CLEC4F: variants seen among roughly 807,000 people sequenced by gnomAD.
The protein encoded by CLEC4F is C-type lectin domain family 4 member F, also known as C-type (calcium dependent, carbohydrate-recognition domain) lectin, superfamily member 13.
In CLEC4F, 45 loss-of-function variants were observed where a neutral mutation model predicts 53.4. That is an observed-to-expected ratio of 0.84 (90% CI 0.66 to 1.08). The LOEUF is 1.08. Ranked by LOEUF, CLEC4F falls within the 50% of genes least tolerant of loss-of-function variation. CLEC4F has a pLI of 0.00. For synonymous variants in CLEC4F, 245 were observed against 257.5 expected (o/e 0.95, Z 0.46); for missense variants, 753 against 698.2 (o/e 1.08, Z -0.88).
At chr2:70,813,703 G>T (rs888584608) in intron 4 of CLEC4F, among the ~76,000 whole-genome samples, 20 of 145,412 alleles carry the variant, frequency 1.4e-4, no homozygotes, top group Admixed American at 3.6e-4. Flanking sequence ...TTGAGACAGA[G>T]TTTTGCTATG....
intron 3 of CLEC4F, among the ~76,000 whole-genome samples, chr2:70,817,649 A>G (rs925248647): frequency 5.9e-5 from 9 of 152,220 alleles, no homozygotes; most frequent in Admixed American, 5.9e-4. Flanking sequence ...ATGATGGCAA[A>G]TTCCATGGAG....
At chr2:70,810,853 A>G (rs1265462540) in intron 5 of CLEC4F, 8 of 553,190 alleles carry the variant, frequency 1.4e-5, no homozygotes, top group African/African-American at 3.9e-5. Flanking sequence ...TAAAATTGGT[A>G]CAATCAGGTT....
chr2:70,817,165 C>A (rs1676971943), intron 3 of CLEC4F, 53 bp from the exon 4 acceptor site: 2 of 1,542,436 alleles, frequency 1.3e-6, no homozygotes, highest in Non-Finnish European at 8.7e-7. Context: ...TGTAGGGTAG[C>A]ATTTTATGGG....
intron 3 of CLEC4F, among the ~76,000 whole-genome samples, 162 bp from the exon 4 acceptor site, chr2:70,817,274 T>A (rs1676977430): frequency 6.6e-6 from 1 of 152,082 alleles, no homozygotes; most frequent in Non-Finnish European, 1.5e-5. Flanking sequence ...ACCCAGACCC[T>A]GGGGACGGTC....
At chr2:70,824,621 C>CAAAAAAAAAAAAAAAAAAAAAAAAAA (rs1388918958), upstream of CLEC4F, among the ~76,000 whole-genome samples, 5 of 38,248 alleles carry the variant, frequency 1.3e-4, no homozygotes, top group African/African-American at 2.9e-4. Context: ...TGCTTAGTTA[C>CAAAAAAAAAAAAAAAAAAAAAAAAAA]CAAAAAAAAA....
Position 70,819,336 on chromosome 2 carries a change from C to G in CLEC4F, c.268+19G>C. The G allele has an allele frequency of 6.2e-7, 1 of 1,604,298 alleles. No homozygotes were observed. The highest frequency in any genetic ancestry group is 8.5e-7 in the Non-Finnish European group (1 of 1,171,170). The stretch of plus-strand genomic sequence containing the variant: ...GGCCCCAGTTCCCTCTGCACCCCAC[C>G]CCCACTGTGGCTACTCACTGTTGGG... On this transcript the variant is annotated intron_variant, in intron 3 of 6. Transcript: ENST00000272367.
chr2:70,817,808 G>A lies in CLEC4F; in HGVS notation c.269-696C>T, dbSNP rs564537330. ...CTCAGCTGAGATGGCCTTTTAAAGA[G>A]CCAGCACCCCCAGTGTTACATAGGG... On this transcript the variant is annotated intron_variant, in intron 3 of 6. Coordinates refer to ENST00000272367, the MANE Select transcript of CLEC4F (RefSeq NM_173535.3). Among the ~76,000 whole-genome samples the A allele has an allele frequency of 2.0e-5, 3 of 152,298 alleles. No homozygotes were observed. In the East Asian group the frequency reaches 5.8e-4, roughly 29 times the overall value.
At position 70,812,599 on chromosome 2, in the gene CLEC4F, C is replaced by A. The variant is rs1553394576; in HGVS notation, c.1388-1G>T. On this transcript the variant is annotated splice_acceptor_variant, in intron 4 of 6. Coordinates refer to ENST00000272367, the MANE Select transcript of CLEC4F (RefSeq NM_173535.3). LOFTEE classifies it high-confidence loss of function. ...TGCAGGACCATCTGGAGAAGCTGAC[C>A]TGGAGCAAAGATTGGGGAGAAAAGA... 2.5e-6 allele frequency: 4 copies of A among 1,613,744 alleles called. No homozygotes were observed. The Admixed American group carries it at 6.7e-5, about 27-fold the overall frequency.
intron 2 of CLEC4F, 103 bp from the exon 3 acceptor site, chr2:70,819,547 G>T: frequency 8.9e-7 from 1 of 1,120,398 alleles, no homozygotes; most frequent in Non-Finnish European, 1.4e-6. Context: ...GGAGATAGCA[G>T]CAAAGACCCT....
chr2:70,813,780 C>A (rs530652322), intron 4 of CLEC4F, among the ~76,000 whole-genome samples: 1 of 151,860 alleles, frequency 6.6e-6, no homozygotes, highest in Non-Finnish European at 1.5e-5. Flanking sequence ...CGGGTTCAAG[C>A]GATTCTCCTG....
At chr2:70,814,838 C>CAA (rs60330725) in intron 4 of CLEC4F, among the ~76,000 whole-genome samples, 5,980 of 140,916 alleles carry the variant, frequency 0.042, 193 homozygotes, top group African/African-American at 0.082. Context: ...ACACCCTCAC[C>CAA]AAAAAAAAAA....
chr2:70,821,322 G>C (rs10185297), upstream of CLEC4F, among the ~76,000 whole-genome samples: 35,473 of 152,036 alleles, frequency 0.23, 4,431 homozygotes, highest in Middle Eastern at 0.33. Flanking sequence ...GGTGACACAG[G>C]GTGGACCCTT....
At position 70,816,861 on chromosome 2, in the gene CLEC4F, C is replaced by G. The variant is rs1390811446; in HGVS notation, c.520G>C (p.Glu174Gln). 8 of 1,614,174 alleles carry G rather than the reference C, an allele frequency of 5.0e-6. No individual in the cohort carries two copies. The highest frequency in any genetic ancestry group is 3.3e-5 in the Admixed American group (2 of 60,026). Residue 174 changes from glutamate to glutamine, a missense_variant, in exon 4 of 7, where the codon GAG (glutamate) becomes CAG (glutamine). Coordinates refer to ENST00000272367, the MANE Select transcript of CLEC4F (RefSeq NM_173535.3). The part of the protein sequence containing the change: ...LQTQMLRSSL[E>Q]GTNAEIQRLK... Reference sequence around the variant, plus strand: ...CTCTGGATCTCAGCATTGGTTCCCTCCAGGGAACTCCTTAACATCTGTGTC... The same window carrying G: ...CTCTGGATCTCAGCATTGGTTCCCTGCAGGGAACTCCTTAACATCTGTGTC...
At chr2:70,813,685 T>G (rs1295881208) in intron 4 of CLEC4F, among the ~76,000 whole-genome samples, 1 of 150,968 alleles carries the variant, frequency 6.6e-6, no homozygotes, top group Non-Finnish European at 1.5e-5. Context: ...CTTCCTTTCT[T>G]TCTTTTTTTG....
rs782206648 is a variant in CLEC4F at position 70,819,336 on chromosome 2, C to T, written c.268+19G>A. Reference sequence around the variant, plus strand: ...GGCCCCAGTTCCCTCTGCACCCCACCCCCACTGTGGCTACTCACTGTTGGG... The same window carrying T: ...GGCCCCAGTTCCCTCTGCACCCCACTCCCACTGTGGCTACTCACTGTTGGG... On this transcript the variant is annotated intron_variant, in intron 3 of 6. Coordinates refer to ENST00000272367, the MANE Select transcript of CLEC4F (RefSeq NM_173535.3). 1.9e-6 allele frequency: 3 copies of T among 1,604,298 alleles called. No individual in the cohort carries two copies. The highest frequency in any genetic ancestry group is 1.7e-6 in the Non-Finnish European group (2 of 1,171,170).
At chr2:70,822,128 G>T (rs1677240167), upstream of CLEC4F, among the ~76,000 whole-genome samples, 1 of 152,160 alleles carries the variant, frequency 6.6e-6, no homozygotes, top group Non-Finnish European at 1.5e-5. Context: ...AGCATCTGAA[G>T]GGGGGCAGTC....
Position 70,816,499 on chromosome 2 carries a change from G to A in CLEC4F, c.882C>T (p.Asn294=). ...EIQGLKENLQ[N]TNALNSQTQA... ...GGGTCTGGGAGTTTAAAGCATTTGT[G>A]TTCTGCAAATTTTCCTTTAGTCCCT... Residue 294 remains asparagine (N), a synonymous_variant, in exon 4 of 7, where the codon AAC becomes AAT. Coordinates refer to ENST00000272367, the MANE Select transcript of CLEC4F (RefSeq NM_173535.3). 1.2e-6 allele frequency: 2 copies of A among 1,614,102 alleles called. No homozygotes were observed. Among genetic ancestry groups the A allele is most frequent in the Non-Finnish European group, 1.7e-6 (2 of 1,180,024 alleles).
upstream of CLEC4F, among the ~76,000 whole-genome samples, chr2:70,823,891 A>C (rs61433004): frequency 2.0e-5 from 3 of 151,738 alleles, no homozygotes; most frequent in East Asian, 1.9e-4. Context: ...CTAACTGGGC[A>C]TGGTGGCAGG....
upstream of CLEC4F, among the ~76,000 whole-genome samples, chr2:70,823,096 T>G (rs563227049): frequency 3.3e-5 from 5 of 151,220 alleles, no homozygotes; most frequent in East Asian, 9.7e-4. Context: ...CCACACCCAG[T>G]TCATGATGGT....
Sources: allele counts gnomAD v4.1 joint callset (sites outside exome capture counted in the v4.1 genomes callset), GRCh38; gene constraint gnomAD v4.1.1; transcripts MANE v1.5; gene names NCBI Gene and HGNC (gene_info 2026-07-23, HGNC 2026-07-21).